The following ZNF723 variants were observed in gnomAD, a reference collection of about 807,000 sequenced individuals.
The protein encoded by ZNF723 is zinc finger protein 723, also known as zinc finger protein 723, pseudogene.
Under a neutral mutation model 9.4 loss-of-function variants are expected in ZNF723, and 5 were observed. The observed-to-expected ratio is 0.53, with a 90% CI of 0.28 to 1.12. The LOEUF (loss-of-function observed/expected upper bound fraction) is 1.12. Among genes scored for constraint, ZNF723 ranks in the 50% most tolerant of loss-of-function variants. ZNF723 has a pLI of 0.10. For synonymous variants in ZNF723, 158 were observed against 168.8 expected, an observed-to-expected ratio of 0.94 and a Z score of 0.49; for missense variants, 450 against 501.5, an observed-to-expected ratio of 0.90 and a Z score of 0.98.
chr19:22,832,590 G>T (rs555938942), intron 1 of ZNF723, among the ~76,000 whole-genome samples: 2 of 152,296 alleles, frequency 1.3e-5, no homozygotes, highest in East Asian at 3.9e-4. Context: ...TTCCCTGGCA[G>T]TGACCGTGCC....
intron 3 of ZNF723, among the ~76,000 whole-genome samples, chr19:22,856,375 C>T (rs1449877939): frequency 6.6e-6 from 1 of 152,054 alleles, no homozygotes; most frequent in East Asian, 1.9e-4. Flanking sequence ...GTCTGTGTTT[C>T]CATTTCACTC....
intron 1 of ZNF723, among the ~76,000 whole-genome samples, chr19:22,837,856 T>C (rs1967186867): frequency 6.6e-6 from 1 of 152,148 alleles, no homozygotes; most frequent in African/African-American, 2.4e-5. Context: ...ATTTTTGGCA[T>C]ATCCCTACCC....
At chr19:22,815,867 T>C in the ZNF723 span, among the ~76,000 whole-genome samples, 2 of 152,208 alleles carry the variant, frequency 1.3e-5, no homozygotes, top group Non-Finnish European at 2.9e-5. Context: ...TCCCATCAAC[T>C]GTTAAGACTG....
chr19:22,835,203 G>A (rs2145206197), intron 1 of ZNF723, among the ~76,000 whole-genome samples: 1 of 151,866 alleles, frequency 6.6e-6, no homozygotes, highest in East Asian at 2.0e-4. Flanking sequence ...ACCACACCCA[G>A]CTAATTTTTG....
chr19:22,825,161 T>C, the ZNF723 span, among the ~76,000 whole-genome samples: 1 of 152,164 alleles, frequency 6.6e-6, no homozygotes, highest in African/African-American at 2.4e-5. Context: ...AAATTGTGAC[T>C]CTCATATGTG....
chr19:22,828,769 T>A (rs536228405), upstream of ZNF723, among the ~76,000 whole-genome samples: 11 of 152,234 alleles, frequency 7.2e-5, no homozygotes, highest in South Asian at 2.3e-3. Flanking sequence ...TGTGACATAA[T>A]CCAACTGAAA....
At chr19:22,839,696 A>C (rs956205659) in intron 1 of ZNF723, among the ~76,000 whole-genome samples, 2 of 151,872 alleles carry the variant, frequency 1.3e-5, no homozygotes, top group African/African-American at 4.8e-5. Context: ...GCTGCTCTCG[A>C]ACTCCCGGCC....
At chr19:22,851,147 A>G (rs1205790215) in intron 3 of ZNF723, among the ~76,000 whole-genome samples, 10 of 151,468 alleles carry the variant, frequency 6.6e-5, no homozygotes, top group African/African-American at 2.2e-4. Context: ...TACATTTAAC[A>G]GAGAGCTATT....
chr19:22,814,871 TG>T, the ZNF723 span, among the ~76,000 whole-genome samples: 2 of 152,140 alleles, frequency 1.3e-5, no homozygotes, highest in African/African-American at 4.8e-5. Flanking sequence ...GACATATCAC[TG>T]GCCCTAGAAC....
At chr19:22,852,299 A>C (rs1203810630) in intron 3 of ZNF723, among the ~76,000 whole-genome samples, 1 of 152,158 alleles carries the variant, frequency 6.6e-6, no homozygotes, top group Admixed American at 6.6e-5. Context: ...ATGCCACCTC[A>C]TAGCAGTTAA....
At chr19:22,846,276 A>G (rs900419071) in intron 1 of ZNF723, among the ~76,000 whole-genome samples, 2 of 152,168 alleles carry the variant, frequency 1.3e-5, no homozygotes, top group Admixed American at 6.6e-5. Flanking sequence ...TTGAGGCTCC[A>G]TTTGTGTTCC....
chr19:22,841,119 TTAAAA>T (rs1432767402), intron 1 of ZNF723, among the ~76,000 whole-genome samples: 2 of 152,198 alleles, frequency 1.3e-5, no homozygotes, highest in African/African-American at 4.8e-5. Context: ...AGCCATTGCT[TTAAAA>T]TATAAATAGC....
Position 22,849,196 on chromosome 19 carries a change from AG to A in ZNF723, c.131del. 5.1e-6 allele frequency: 3 copies of A among 583,514 alleles called. No homozygotes were observed. 36.1% of individuals were successfully genotyped at this position (583,514 alleles called of 1,614,324 possible). On this transcript the variant is annotated splice_acceptor_variant, in intron 2 of 3. Transcript: ENST00000600766. LOFTEE classifies it high-confidence loss of function. ...TCATGTTATTTATTTTTAATAAAACAGGTGTTGGTGTCTCTAAGCCAGATTT... is the reference window on the plus strand; with the variant it reads ...TCATGTTATTTATTTTTAATAAAACAGTGTTGGTGTCTCTAAGCCAGATTT...
At chr19:22,847,739 ATGT>A (rs1967333488) in intron 1 of ZNF723, among the ~76,000 whole-genome samples, 1 of 152,154 alleles carries the variant, frequency 6.6e-6, no homozygotes, top group African/African-American at 2.4e-5. Flanking sequence ...ATATACACTG[ATGT>A]TGTGGATCTT....
the ZNF723 span, among the ~76,000 whole-genome samples, chr19:22,814,224 A>G: frequency 2.0e-5 from 3 of 152,214 alleles, no homozygotes; most frequent in South Asian, 2.1e-4. Flanking sequence ...AGATGCACTC[A>G]TAGGTTTATA....
intron 1 of ZNF723, among the ~76,000 whole-genome samples, chr19:22,841,584 T>C (rs1213867271): frequency 2.0e-5 from 3 of 152,250 alleles, no homozygotes; most frequent in African/African-American, 2.4e-5. Context: ...AACCAAGCTT[T>C]ACTCTAGAGG....
At chr19:22,813,718 A>C in the ZNF723 span, among the ~76,000 whole-genome samples, 1 of 151,988 alleles carries the variant, frequency 6.6e-6, no homozygotes, top group Non-Finnish European at 1.5e-5. Context: ...TCCCGCCTGG[A>C]TGACAGAGTG....
intron 3 of ZNF723, among the ~76,000 whole-genome samples, chr19:22,856,204 C>T (rs1229732920): frequency 6.6e-6 from 1 of 152,134 alleles, no homozygotes; most frequent in Non-Finnish European, 1.5e-5. Flanking sequence ...CATGATCTGC[C>T]CACCTCGGCC....
At chr19:22,835,934 A>G (rs1967159502) in intron 1 of ZNF723, among the ~76,000 whole-genome samples, 1 of 152,218 alleles carries the variant, frequency 6.6e-6, no homozygotes, top group Non-Finnish European at 1.5e-5. Flanking sequence ...ATTGTCTGAA[A>G]GGAATAGATA....
Sources: gnomAD v4.1 joint callset for allele counts (sites outside exome capture counted in the v4.1 genomes callset) on GRCh38, gnomAD v4.1.1 for gene constraint, MANE v1.5 for transcripts, NCBI Gene and HGNC (gene_info 2026-07-23, HGNC 2026-07-21) for gene names.